Variants in TTC28 observed in about 807,000 individuals in gnomAD.
The protein encoded by TTC28 is tetratricopeptide repeat protein 28.
In TTC28, 61 loss-of-function variants were observed where a neutral mutation model predicts 198.0. The ratio of observed to expected loss-of-function variants is 0.31; its 90% CI spans 0.25 to 0.38. The LOEUF (loss-of-function observed/expected upper bound fraction) is 0.38. TTC28 is among the 10% of genes least tolerant of loss of function. The pLI, the probability that TTC28 is intolerant of heterozygous loss-of-function variation, is 1.00. For missense variants in TTC28, 2,678 were observed against 3,164.0 expected (o/e 0.85, Z 3.69); for synonymous variants, 1,171 against 1,297.8 (o/e 0.90, Z 2.10).
chr22:28,001,837 G>A (rs1439661502), intron 14 of TTC28: 1 of 449,538 alleles, frequency 2.2e-6, no homozygotes, highest in East Asian at 3.6e-5. Flanking sequence ...AGAACCTGAA[G>A]TGGGTTGGAG....
At chr22:28,672,316 T>A (rs1168601583) in intron 1 of TTC28, among the ~76,000 whole-genome samples, 2 of 152,088 alleles carry the variant, frequency 1.3e-5, no homozygotes, top group African/African-American at 2.4e-5. Context: ...TACAGGCGCC[T>A]GCCACCATGC....
chr22:28,669,559 C>A (rs1288720277), intron 1 of TTC28, among the ~76,000 whole-genome samples: 1 of 152,140 alleles, frequency 6.6e-6, no homozygotes, highest in Non-Finnish European at 1.5e-5. Flanking sequence ...TAGTAGAGAA[C>A]TGGTCAAAGG....
At chr22:28,607,331 G>C (rs544784097) in intron 2 of TTC28, among the ~76,000 whole-genome samples, 7 of 152,262 alleles carry the variant, frequency 4.6e-5, no homozygotes, top group African/African-American at 1.4e-4. Context: ...CCGTACTTGA[G>C]AACTTGGAAG....
intron 5 of TTC28, among the ~76,000 whole-genome samples, chr22:28,266,170 ACT>A (rs1252097181): frequency 2.7e-5 from 4 of 147,380 alleles, no homozygotes; most frequent in South Asian, 2.2e-4. Context: ...ACAGAGCGAG[ACT>A]CTGTCTCAAA....
intron 2 of TTC28, among the ~76,000 whole-genome samples, chr22:28,525,794 T>A (rs1331348058): frequency 2.0e-5 from 3 of 152,294 alleles, no homozygotes; most frequent in South Asian, 2.1e-4. Flanking sequence ...TATTTAAGAA[T>A]CAACTGACCT....
intron 5 of TTC28, among the ~76,000 whole-genome samples, chr22:28,208,140 T>C (rs1926591503): frequency 6.6e-6 from 1 of 152,154 alleles, no homozygotes; most frequent in Non-Finnish European, 1.5e-5. Context: ...TGCAAGGTGC[T>C]TGAATACTTG....
At chr22:28,598,148 T>G (rs1265577713) in intron 2 of TTC28, among the ~76,000 whole-genome samples, 2 of 152,094 alleles carry the variant, frequency 1.3e-5, no homozygotes, top group Admixed American at 6.6e-5. Flanking sequence ...GATAAAAATA[T>G]TCACCATGCT....
At chr22:28,534,571 C>G (rs950774410) in intron 2 of TTC28, among the ~76,000 whole-genome samples, 3 of 152,028 alleles carry the variant, frequency 2.0e-5, no homozygotes, top group Non-Finnish European at 4.4e-5. Context: ...GAGTATATAC[C>G]CAAAGGATTA....
chr22:28,600,215 C>A (rs937979216), intron 2 of TTC28, among the ~76,000 whole-genome samples: 4 of 151,530 alleles, frequency 2.6e-5, no homozygotes, highest in Non-Finnish European at 5.9e-5. Context: ...GGCAACAGAG[C>A]GAGACCCTAT....
At chr22:28,016,027 T>C (rs749195900) in intron 13 of TTC28, among the ~76,000 whole-genome samples, 29 of 152,144 alleles carry the variant, frequency 1.9e-4, no homozygotes, top group Non-Finnish European at 8.8e-5. Context: ...CTCCTCCCAG[T>C]GATCTTGGCA....
At chr22:28,416,620 T>C (rs980940936) in intron 2 of TTC28, among the ~76,000 whole-genome samples, 2 of 151,884 alleles carry the variant, frequency 1.3e-5, no homozygotes, top group Non-Finnish European at 2.9e-5. Context: ...CAATAAAACA[T>C]GACCCATTAG....
intron 2 of TTC28, among the ~76,000 whole-genome samples, chr22:28,409,992 G>A (rs1410606732): frequency 6.6e-6 from 1 of 151,908 alleles, no homozygotes; most frequent in Non-Finnish European, 1.5e-5. Context: ...CACGATCTCA[G>A]TTCACTGCAA....
At chr22:28,134,850 C>A (rs1943161300) in intron 6 of TTC28, among the ~76,000 whole-genome samples, 2 of 152,260 alleles carry the variant, frequency 1.3e-5, no homozygotes, top group South Asian at 4.2e-4. Flanking sequence ...TCTTCTACAT[C>A]TTTGCTGAGA....
intron 5 of TTC28, among the ~76,000 whole-genome samples, chr22:28,197,008 C>T (rs1925417523): frequency 6.6e-6 from 1 of 152,016 alleles, no homozygotes; most frequent in South Asian, 2.1e-4. Context: ...ATAGCAAAGA[C>T]TTGGAACCAA....
chr22:28,321,795 T>C (rs2045450017), intron 2 of TTC28, among the ~76,000 whole-genome samples: 1 of 152,184 alleles, frequency 6.6e-6, no homozygotes, highest in African/African-American at 2.4e-5. Context: ...ATACTGGACT[T>C]TTTAATTCTA....
chr22:28,627,435 C>CTT (rs113850616), intron 2 of TTC28, among the ~76,000 whole-genome samples: 100 of 138,342 alleles, frequency 7.2e-4, no homozygotes, highest in African/African-American at 2.0e-3. Flanking sequence ...TTTTCTTTTT[C>CTT]TTTTTTTTTT....
intron 2 of TTC28, among the ~76,000 whole-genome samples, chr22:28,433,795 A>C (rs1231965163): frequency 6.6e-6 from 1 of 152,212 alleles, no homozygotes; most frequent in African/African-American, 2.4e-5. Flanking sequence ...GTTTGTTTGA[A>C]TAAGTTACTG....
In TTC28 at chr22:28,237,293, C is replaced by G. The variant is rs543743853; in HGVS notation, c.933+58905G>C. Among the ~76,000 whole-genome samples the G allele has an allele frequency of 3.2e-4, 49 of 152,256 alleles. 1 individual carries two copies. In the South Asian group the frequency reaches 9.7e-3, roughly 30 times the overall value. On this transcript the variant is annotated intron_variant, in intron 5 of 22. Transcript: ENST00000397906. ...TAACGTGTCCACTGCATGTTGTGAT[C>G]TAACCCCTCTCCCACGCATCCTAGA...
At chr22:28,028,436 G>GCACC (rs1938926165) in intron 13 of TTC28, among the ~76,000 whole-genome samples, 1 of 152,210 alleles carries the variant, frequency 6.6e-6, no homozygotes, top group South Asian at 2.1e-4. Context: ...AAAGTGCACA[G>GCACC]CACCCCAAGC....
Sources: gnomAD v4.1 joint callset for allele counts (sites outside exome capture counted in the v4.1 genomes callset) on GRCh38, gnomAD v4.1.1 for gene constraint, MANE v1.5 for transcripts, NCBI Gene and HGNC (gene_info 2026-07-23, HGNC 2026-07-21) for gene names.